Variants in PRKAG2 observed in about 807,000 individuals in gnomAD.
The protein encoded by PRKAG2 is protein kinase AMP-activated non-catalytic subunit gamma 2, also known as 5'-AMP-activated protein kinase subunit gamma-2.
PRKAG2 carries 26 observed loss-of-function variants against 69.6 expected under a neutral mutation model. The observed-to-expected ratio is 0.37, with a 90% CI of 0.27 to 0.52. The LOEUF is 0.52. Among genes scored for constraint, PRKAG2 ranks in the 20% least tolerant of loss-of-function variants. The pLI, the probability that PRKAG2 is intolerant of heterozygous loss-of-function variation, is 0.90. For missense variants in PRKAG2, 557 were observed against 740.0 expected (o/e 0.75, Z 2.87); for synonymous variants, 293 against 285.0 (o/e 1.03, Z -0.28).
chr7:151,644,060 A>G (rs1228124418), intron 4 of PRKAG2, among the ~76,000 whole-genome samples: 1 of 152,204 alleles, frequency 6.6e-6, no homozygotes, highest in Non-Finnish European at 1.5e-5. Flanking sequence ...GAATGATACA[A>G]TAGACTGTGG....
Position 151,814,616 on chromosome 7 carries a change from T to A in PRKAG2, c.115-28075A>T, listed in dbSNP as rs1469750057. ...GCACAGGCAATTTCTAGGGTTCGGC[T>A]GTGCTCCGAGCTGCTGCCACTGCAT... On this transcript the variant is annotated intron_variant, in intron 1 of 15. Transcript: ENST00000287878. The surrounding 1 kb of genome is among the most constrained non-coding windows in gnomAD (Gnocchi z 4.8). The A allele has an allele frequency of 2.4e-6, 3 of 1,231,684 alleles. No individual in the cohort carries two copies. The highest frequency in any genetic ancestry group is 3.1e-5 in the African/African-American group (2 of 64,420). The allele number at this position is 1,231,684 out of a possible 1,614,324, so 76.3% of individuals were successfully genotyped here. A position where few individuals can be genotyped will look rare whatever the true frequency, so the allele number is the denominator to read the frequency against.
intron 3 of PRKAG2, among the ~76,000 whole-genome samples, chr7:151,707,584 C>T (rs1271503277): frequency 6.6e-6 from 1 of 152,168 alleles, no homozygotes; most frequent in African/African-American, 2.4e-5. Context: ...ATCACCCGCT[C>T]TCCTCTCTGG....
chr7:151,700,865 C>T (rs1395779526), intron 3 of PRKAG2, among the ~76,000 whole-genome samples: 1 of 152,234 alleles, frequency 6.6e-6, no homozygotes, highest in Non-Finnish European at 1.5e-5. Context: ...CTTGGCCTGC[C>T]CGTTTAGAGG....
intron 1 of PRKAG2, among the ~76,000 whole-genome samples, chr7:151,826,562 C>G (rs1037489212): frequency 2.2e-4 from 34 of 152,140 alleles, no homozygotes; most frequent in Admixed American, 2.6e-4. Flanking sequence ...CCTTCCCTTC[C>G]TCTCTCTTTC....
chr7:151,721,698 T>G (rs1185636714), intron 3 of PRKAG2, among the ~76,000 whole-genome samples: 9 of 152,212 alleles, frequency 5.9e-5, no homozygotes, highest in Admixed American at 5.9e-4. Context: ...AGATTTAGTT[T>G]GTCTGGAGAA....
chr7:151,618,344 T>C (rs890571902), intron 5 of PRKAG2, among the ~76,000 whole-genome samples: 1 of 151,692 alleles, frequency 6.6e-6, no homozygotes, highest in African/African-American at 2.4e-5. Context: ...TCCCAGCTAC[T>C]CAGGAGCCTG....
chr7:151,581,308 G>A (rs1276967245), intron 6 of PRKAG2, among the ~76,000 whole-genome samples: 1 of 152,184 alleles, frequency 6.6e-6, no homozygotes, highest in Non-Finnish European at 1.5e-5. Flanking sequence ...TTTATTGCAT[G>A]GTTTAATTGC....
chr7:151,579,983 T>A (rs1329918962), intron 6 of PRKAG2, among the ~76,000 whole-genome samples: 7 of 152,202 alleles, frequency 4.6e-5, no homozygotes, highest in Admixed American at 4.6e-4. Context: ...CAAAAAGGAT[T>A]GGCAAAGTAA....
At chr7:151,809,014 C>G (rs1483639435) in intron 1 of PRKAG2, among the ~76,000 whole-genome samples, 1 of 152,178 alleles carries the variant, frequency 6.6e-6, no homozygotes, top group South Asian at 2.1e-4. Context: ...AATCGTCCCC[C>G]TGGAGTTCGT....
intron 1 of PRKAG2, among the ~76,000 whole-genome samples, chr7:151,871,265 G>A (rs992918379): frequency 2.0e-5 from 3 of 152,230 alleles, no homozygotes; most frequent in Non-Finnish European, 2.9e-5. Flanking sequence ...GCACAGCTAC[G>A]CTTCCAGTGA....
At chr7:151,799,410 C>T (rs941665980) in intron 1 of PRKAG2, among the ~76,000 whole-genome samples, 1 of 152,238 alleles carries the variant, frequency 6.6e-6, no homozygotes, top group Non-Finnish European at 1.5e-5. Context: ...GGCCATCCCT[C>T]GCACGGGCCT....
In PRKAG2 at chr7:151,876,635, G is replaced by A. The variant is rs2080412986; in HGVS notation, c.-15C>T. The A allele has an allele frequency of 1.2e-6, 2 of 1,605,774 alleles. No homozygotes were observed. The highest frequency in any genetic ancestry group is 1.7e-4 in the Middle Eastern group (1 of 6,056). On this transcript the variant is annotated 5_prime_UTR_variant, in exon 1 of 16. Transcript: ENST00000287878. ...GCGCTTCCCATAACTCTAACCAGAA[G>A]TTGATTCTGCGAAACTCCTCGGGGG...
At chr7:151,773,050 A>AGG (rs1258830536) in intron 3 of PRKAG2, among the ~76,000 whole-genome samples, 78 of 32,570 alleles carry the variant, frequency 2.4e-3, no homozygotes, top group Non-Finnish European at 2.8e-3. Context: ...AGAGAGAGAG[A>AGG]GAGGGAGGGA....
intron 5 of PRKAG2, among the ~76,000 whole-genome samples, chr7:151,621,313 T>C (rs995556533): frequency 4.6e-5 from 7 of 152,176 alleles, no homozygotes; most frequent in African/African-American, 1.7e-4. Flanking sequence ...AATTCATCCA[T>C]AAACAGGCTG....
intron 5 of PRKAG2, among the ~76,000 whole-genome samples, chr7:151,621,861 C>T (rs796817359): frequency 6.6e-6 from 1 of 152,200 alleles, no homozygotes; most frequent in African/African-American, 2.4e-5. Context: ...AGGCGTGAAC[C>T]ACCATGCCCG....
At position 151,568,953 on chromosome 7, in the gene PRKAG2, A is replaced by C. The variant is rs537862997; in HGVS notation, c.1107-111T>G. On this transcript the variant is annotated intron_variant, in intron 10 of 15. Transcript: ENST00000287878. ...GTGTTTTTATTATTGCAATAATAAC[A>C]GTGTTTTGGAAGAGTTTTAAATTAG... is the stretch of plus-strand genomic sequence containing the variant. 2.1e-5 allele frequency: 27 copies of C among 1,275,520 alleles called. No individual in the cohort carries two copies. The African/African-American group carries it at 3.9e-4, about 18-fold the overall frequency. The allele number at this position is 1,275,520 out of a possible 1,614,324, so 79.0% of individuals were successfully genotyped here.
At chr7:151,606,680 C>T (rs895449998) in intron 5 of PRKAG2, among the ~76,000 whole-genome samples, 1 of 151,860 alleles carries the variant, frequency 6.6e-6, no homozygotes, top group Non-Finnish European at 1.5e-5. Context: ...ATCAGCCGGG[C>T]GTGGTGACAT....
At chr7:151,796,026 T>C (rs78383184) in intron 1 of PRKAG2, among the ~76,000 whole-genome samples, 3,329 of 150,080 alleles carry the variant, frequency 0.022, 56 homozygotes, top group South Asian at 0.088. Context: ...TAACTTAATA[T>C]ATTTTCTTAG....
rs1485981791 is a variant in PRKAG2, at chr7:151,560,616, A to T, written c.1586T>A (p.Val529Asp). Residue 529 changes from valine (V) to aspartate (D), a missense_variant and splice_region_variant, in exon 15 of 16, where the codon GTC (valine) becomes GAC (aspartate). Transcript: ENST00000287878. ...TTCATTTACCACCACCAGCCGATGG[A>T]CCTGCAAAGAGAAAAGCAGGACACG... ...TIVDRIVRAE[V>D]HRLVVVNEAD... 6.2e-7 allele frequency: 1 copy of T among 1,613,988 alleles called. No homozygotes were observed. The highest frequency in any genetic ancestry group is 8.5e-7 in the Non-Finnish European group (1 of 1,179,932).
Sources: allele counts gnomAD v4.1 joint callset (sites outside exome capture counted in the v4.1 genomes callset), GRCh38; gene constraint gnomAD v4.1.1; non-coding constraint Gnocchi (gnomAD v3.1); transcripts MANE v1.5; gene names NCBI Gene and HGNC (gene_info 2026-07-23, HGNC 2026-07-21).